C12orf42: variants seen among roughly 807,000 people sequenced by gnomAD.
C12orf42 encodes uncharacterized protein C12orf42.
C12orf42 carries 25 observed loss-of-function variants against 21.6 expected under a neutral mutation model. That is an observed-to-expected ratio of 1.16 (90% CI 0.84 to 1.62). The LOEUF (loss-of-function observed/expected upper bound fraction) is 1.62. C12orf42 is among the 40% of genes most tolerant of loss of function. The pLI is 0.00. For synonymous variants in C12orf42, 174 were observed against 175.0 expected, an observed-to-expected ratio of 0.99 and a Z score of 0.05; for missense variants, 483 against 459.3, an observed-to-expected ratio of 1.05 and a Z score of -0.47.
intron 3 of C12orf42, among the ~76,000 whole-genome samples, chr12:103,393,722 T>C (rs2047269890): frequency 6.6e-6 from 1 of 152,196 alleles, no homozygotes; most frequent in Non-Finnish European, 1.5e-5. Context: ...CTAGTATATA[T>C]TGCACTTAAT....
intron 10 of C12orf42, among the ~76,000 whole-genome samples, chr12:103,252,512 T>C (rs1285718601): frequency 1.3e-5 from 2 of 152,228 alleles, no homozygotes; most frequent in African/African-American, 2.4e-5. Flanking sequence ...GGTATCCCAT[T>C]GCAGTTTTGA....
chr12:103,217,547 A>T, the C12orf42 span, among the ~76,000 whole-genome samples: 98 of 149,736 alleles, frequency 6.5e-4, no homozygotes, highest in African/African-American at 2.3e-3. Context: ...AAAAAAAAAA[A>T]GCTACTTCCA....
chr12:103,359,243 AG>A (rs568411420), intron 4 of C12orf42, among the ~76,000 whole-genome samples: 241 of 152,170 alleles, frequency 1.6e-3, no homozygotes, highest in Middle Eastern at 6.8e-3. Context: ...TAGCTTTTAA[AG>A]ATCTGGTTCA....
chr12:103,365,327 A>G (rs1485200939), intron 4 of C12orf42, among the ~76,000 whole-genome samples: 1 of 152,144 alleles, frequency 6.6e-6, no homozygotes, highest in African/African-American at 2.4e-5. Context: ...ACATGCCTCA[A>G]TGTAATAAAA....
chr12:103,502,778 A>G, the C12orf42 span, among the ~76,000 whole-genome samples: 2 of 152,046 alleles, frequency 1.3e-5, no homozygotes, highest in African/African-American at 4.8e-5. Flanking sequence ...TTATTAAGCT[A>G]CCTCTGGGGA....
At chr12:103,388,040 A>G (rs2046760296) in intron 3 of C12orf42, among the ~76,000 whole-genome samples, 1 of 152,252 alleles carries the variant, frequency 6.6e-6, no homozygotes. Context: ...CAGCCAATTC[A>G]GAATTTAAAC....
intron 2 of C12orf42, among the ~76,000 whole-genome samples, chr12:103,415,669 C>CA (rs2049256387): frequency 6.6e-6 from 1 of 152,260 alleles, no homozygotes; most frequent in East Asian, 1.9e-4. Context: ...TGCAAAATGC[C>CA]ATGACCGCCT....
chr12:103,346,909 T>C (rs578040981), intron 4 of C12orf42, among the ~76,000 whole-genome samples: 22 of 152,290 alleles, frequency 1.4e-4, no homozygotes, highest in Middle Eastern at 3.4e-3. Flanking sequence ...CTTAGCTGTT[T>C]AGTCTTAAGG....
rs766832525 is a variant in C12orf42, at chr12:103,368,943, A to C, written c.203T>G (p.Met68Arg). The C allele has an allele frequency of 2.6e-5, 42 of 1,600,680 alleles. No individual in the cohort carries two copies. In the East Asian group the frequency reaches 9.2e-4, roughly 35 times the overall value. Reference protein sequence around the residue: ...SVPCSRFINHMKNFSESPKFR... With the variant: ...SVPCSRFINHRKNFSESPKFR... ...TTTAGGAGATTCAGAGAAATTCTTCATGTGATTAATGAATCTGGAGCAGGG... is the reference window on the plus strand; with the variant it reads ...TTTAGGAGATTCAGAGAAATTCTTCCTGTGATTAATGAATCTGGAGCAGGG... Residue 68 changes from methionine (M) to arginine (R), a missense_variant, in exon 4 of 6, where the codon ATG becomes AGG. By Grantham distance (91) the Met-to-Arg change is moderately conservative. Transcript: ENST00000548883.
chr12:103,177,352 G>A, the C12orf42 span, among the ~76,000 whole-genome samples: 1 of 152,086 alleles, frequency 6.6e-6, no homozygotes. Flanking sequence ...ACTATGTAAA[G>A]GCCTTTGACC....
the C12orf42 span, among the ~76,000 whole-genome samples, chr12:103,162,308 C>T: frequency 2.0e-5 from 3 of 152,292 alleles, no homozygotes; most frequent in East Asian, 3.9e-4. Context: ...CAATCTCTAC[C>T]TTGAGCTCAG....
chr12:103,358,929 C>T (rs375355363), intron 4 of C12orf42, among the ~76,000 whole-genome samples: 1 of 152,056 alleles, frequency 6.6e-6, no homozygotes, highest in African/African-American at 2.4e-5. Flanking sequence ...TCCCACTGAG[C>T]CCAGAATAAA....
intron 2 of C12orf42, among the ~76,000 whole-genome samples, chr12:103,433,127 A>G (rs1950390015): frequency 6.6e-6 from 1 of 152,184 alleles, no homozygotes; most frequent in Non-Finnish European, 1.5e-5. Flanking sequence ...TAGGATATAG[A>G]TACATTTGCG....
At chr12:103,147,623 C>CTTT in the C12orf42 span, among the ~76,000 whole-genome samples, 790 of 99,196 alleles carry the variant, frequency 8.0e-3, 37 homozygotes, top group African/African-American at 0.023. Context: ...TTCTCTCTCT[C>CTTT]TTTTTTTTTT....
At chr12:103,270,272 G>A (rs2035383496) in intron 5 of C12orf42, 1 of 151,388 alleles carries the variant, frequency 6.6e-6, no homozygotes. Context: ...AGAGGATCAG[G>A]AGGAGTTTAC....
At chr12:103,322,135 ACACACACACACACACG>A (rs1200282047) in intron 4 of C12orf42, among the ~76,000 whole-genome samples, 26 of 144,668 alleles carry the variant, frequency 1.8e-4, no homozygotes, top group African/African-American at 7.5e-4. Flanking sequence ...GCACACACAC[ACACACACACACACACG>A]CACACGCACA....
chr12:103,072,824 CATT>C, the C12orf42 span, among the ~76,000 whole-genome samples: 1 of 152,074 alleles, frequency 6.6e-6, no homozygotes, highest in Non-Finnish European at 1.5e-5. Context: ...GAGAGTATCT[CATT>C]ATGATTTTTA....
At chr12:103,205,195 G>C in the C12orf42 span, among the ~76,000 whole-genome samples, 1 of 152,176 alleles carries the variant, frequency 6.6e-6, no homozygotes, top group African/African-American at 2.4e-5. Flanking sequence ...TAAGCTGTTC[G>C]ATGTTATCTT....
At chr12:103,287,846 C>T (rs958603769) in intron 4 of C12orf42, among the ~76,000 whole-genome samples, 1 of 151,912 alleles carries the variant, frequency 6.6e-6, no homozygotes, top group Admixed American at 6.6e-5. Context: ...TTGAGACCAA[C>T]TTGTCACTGG....
Sources: allele counts gnomAD v4.1 joint callset (sites outside exome capture counted in the v4.1 genomes callset), GRCh38; gene constraint gnomAD v4.1.1; transcripts MANE v1.5; gene names NCBI Gene and HGNC (gene_info 2026-07-23, HGNC 2026-07-21).